The following NTM variants were observed in gnomAD, a reference collection of about 807,000 sequenced individuals.
NTM encodes neurotrimin.
In NTM, 13 loss-of-function variants were observed where a neutral mutation model predicts 42.1. The ratio of observed to expected loss-of-function variants is 0.31; its 90% confidence interval spans 0.20 to 0.49. NTM has a LOEUF of 0.49. NTM is among the 20% of genes least tolerant of loss of function. NTM has a pLI of 0.99. For missense variants in NTM, 373 were observed against 452.8 expected (o/e 0.82, Z 1.60); for synonymous variants, 187 against 179.2 (o/e 1.04, Z -0.35).
intron 3 of NTM, among the ~76,000 whole-genome samples, chr11:132,168,041 T>C (rs2075550004): frequency 1.3e-5 from 2 of 152,316 alleles, no homozygotes; most frequent in Middle Eastern, 3.4e-3. Context: ...GCGATCCACA[T>C]AGGAATCAGA....
chr11:131,655,677 A>C (rs955638385), intron 1 of NTM, among the ~76,000 whole-genome samples: 11 of 152,318 alleles, frequency 7.2e-5, no homozygotes, highest in Admixed American at 5.9e-4. Flanking sequence ...ACTGGCAGGG[A>C]GGACAATTGA....
At chr11:131,778,035 C>T (rs566847160) in intron 1 of NTM, among the ~76,000 whole-genome samples, 1 of 152,282 alleles carries the variant, frequency 6.6e-6, no homozygotes, top group African/African-American at 2.4e-5. Flanking sequence ...GTGTTTACAA[C>T]TCAAAAACTG....
intron 1 of NTM, among the ~76,000 whole-genome samples, chr11:131,909,259 G>T (rs2137884395): frequency 6.6e-6 from 1 of 152,274 alleles, no homozygotes; most frequent in African/African-American, 2.4e-5. Context: ...TATAGTTAGT[G>T]TGAGGGAGAT....
In NTM at chr11:132,097,837, G is replaced by A. The variant is rs148581626; in HGVS notation, c.168-48445G>A. Among the ~76,000 whole-genome samples the A allele has an allele frequency of 6.8e-3, 1,042 of 152,304 alleles. 13 individuals carry two copies. The highest frequency in any genetic ancestry group is 0.024 in the African/African-American group (979 of 41,568). On this transcript the variant is annotated intron_variant, in intron 2 of 8. Coordinates refer to ENST00000683400, the MANE Select transcript of NTM (RefSeq NM_001352005.2). ...AAGGAGCCAGAGGGAAAAGGGTTCC[G>A]GCATTGGTTGAGTTCCTCCCACTTG...
At chr11:131,445,999 A>G (rs1179486074) in intron 1 of NTM, among the ~76,000 whole-genome samples, 1 of 152,216 alleles carries the variant, frequency 6.6e-6, no homozygotes, top group Non-Finnish European at 1.5e-5. Flanking sequence ...TTATTTATAG[A>G]AATCAATTGC....
chr11:131,803,633 A>G (rs561343501), intron 1 of NTM, among the ~76,000 whole-genome samples: 1 of 152,330 alleles, frequency 6.6e-6, no homozygotes, highest in East Asian at 1.9e-4. Flanking sequence ...TAATTATCAA[A>G]TAAACTGGCT....
chr11:132,006,330 C>G (rs2070779094), intron 2 of NTM, among the ~76,000 whole-genome samples: 1 of 152,034 alleles, frequency 6.6e-6, no homozygotes, highest in African/African-American at 2.4e-5. Flanking sequence ...TGGTTTTTTT[C>G]CCTTCCTTCT....
chr11:131,465,201 C>T (rs1214905806), intron 1 of NTM, among the ~76,000 whole-genome samples: 1 of 152,178 alleles, frequency 6.6e-6, no homozygotes, highest in Non-Finnish European at 1.5e-5. Flanking sequence ...TTCTTGAATA[C>T]TAACCAGCTG....
chr11:131,855,227 C>T (rs2045978747), intron 1 of NTM, among the ~76,000 whole-genome samples: 1 of 152,102 alleles, frequency 6.6e-6, no homozygotes, highest in Non-Finnish European at 1.5e-5. Flanking sequence ...ACTTGCTACT[C>T]CAAGACGTGA....
rs149486962 is a variant in NTM at position 132,131,999 on chromosome 11, G to A, written c.168-14283G>A. On this transcript the variant is annotated intron_variant, in intron 2 of 8. Transcript: ENST00000683400. The stretch of plus-strand genomic sequence containing the variant: ...TCCTACAGAGACCAGTTAATAGAGA[G>A]CATCATCAAAGGCACCAAGAGTTTC... 2.0e-3 allele frequency among the ~76,000 whole-genome samples: 306 copies of A among 152,290 alleles called. 5 individuals are homozygous for A. The Middle Eastern group carries it at 0.02, about 10-fold the overall frequency.
At chr11:131,693,216 G>T (rs560859588) in intron 1 of NTM, among the ~76,000 whole-genome samples, 1 of 152,268 alleles carries the variant, frequency 6.6e-6, no homozygotes, top group East Asian at 1.9e-4. Flanking sequence ...GGCTGACTGC[G>T]AGTGGGGCAG....
At chr11:131,456,594 C>T (rs1288919212) in intron 1 of NTM, among the ~76,000 whole-genome samples, 2 of 151,922 alleles carry the variant, frequency 1.3e-5, no homozygotes, top group African/African-American at 4.8e-5. Flanking sequence ...GGGTTCAGCT[C>T]AGCTCTAAGA....
chr11:131,819,949 C>A (rs2093113203), intron 1 of NTM, among the ~76,000 whole-genome samples: 1 of 152,184 alleles, frequency 6.6e-6, no homozygotes, highest in Non-Finnish European at 1.5e-5. Context: ...GGTCTGTTCC[C>A]TGACACTCGC....
At chr11:132,034,555 C>A (rs771810013) in intron 2 of NTM, among the ~76,000 whole-genome samples, 1 of 152,182 alleles carries the variant, frequency 6.6e-6, no homozygotes, top group Non-Finnish European at 1.5e-5. Context: ...AGATGAAATC[C>A]CAGAGGGCAT....
intron 4 of NTM, among the ~76,000 whole-genome samples, chr11:132,254,697 C>A (rs1194120033): frequency 6.6e-6 from 1 of 152,278 alleles, no homozygotes; most frequent in South Asian, 2.1e-4. Flanking sequence ...CACCACCATT[C>A]TGTGGTGATG....
intron 1 of NTM, among the ~76,000 whole-genome samples, chr11:131,586,066 T>A (rs962108973): frequency 6.6e-6 from 1 of 151,270 alleles, no homozygotes; most frequent in African/African-American, 2.5e-5. Context: ...TAATCTCGTG[T>A]GTGTGTATGA....
intron 2 of NTM, among the ~76,000 whole-genome samples, chr11:131,911,963 G>C (rs545552467): frequency 1.3e-5 from 2 of 152,284 alleles, no homozygotes; most frequent in Admixed American, 1.3e-4. Flanking sequence ...GTCTGTGCCT[G>C]AGCCTGGTGG....
At chr11:131,543,054 G>T (rs116446433) in intron 1 of NTM, among the ~76,000 whole-genome samples, 9 of 152,292 alleles carry the variant, frequency 5.9e-5, no homozygotes, top group African/African-American at 2.2e-4. Flanking sequence ...GCCTCCCAGG[G>T]AGCTGAGGAT....
chr11:131,751,262 C>T (rs578101688), intron 1 of NTM, among the ~76,000 whole-genome samples: 2 of 151,502 alleles, frequency 1.3e-5, no homozygotes, highest in East Asian at 1.9e-4. Flanking sequence ...GGTGAAACCC[C>T]GTCTCTACTA....
Sources: gnomAD v4.1 joint callset for allele counts (sites outside exome capture counted in the v4.1 genomes callset) on GRCh38, gnomAD v4.1.1 for gene constraint, MANE v1.5 for transcripts, NCBI Gene and HGNC (gene_info 2026-07-23, HGNC 2026-07-21) for gene names.